Variants in SULF2 observed in about 807,000 individuals in gnomAD.
SULF2 encodes the protein sulfatase 2.
In SULF2, 52 loss-of-function variants were observed where a neutral mutation model predicts 107.7. The observed-to-expected ratio is 0.48, with a 90% CI of 0.39 to 0.61. SULF2 has a LOEUF of 0.61. Among genes scored for constraint, SULF2 ranks in the 20% least tolerant of loss-of-function variants. The pLI is 0.00. For synonymous variants in SULF2, 460 were observed against 464.3 expected (o/e 0.99, Z 0.12); for missense variants, 993 against 1,177.3 (o/e 0.84, Z 2.29).
chr20:47,757,514 G>A, intron 1 of SULF2, 51 bp from the exon 2 acceptor site: 1 of 857,362 alleles, frequency 1.2e-6, no homozygotes. Flanking sequence ...GCTGCCGGCT[G>A]CTCATTCTTG....
At chr20:47,747,661 G>A (rs532355164) in intron 2 of SULF2, among the ~76,000 whole-genome samples, 7 of 152,236 alleles carry the variant, frequency 4.6e-5, no homozygotes, top group African/African-American at 1.7e-4. Context: ...AAGGGGCTAC[G>A]CAGAGCTGCT....
intron 2 of SULF2, among the ~76,000 whole-genome samples, chr20:47,742,735 T>C (rs1278218771): frequency 6.6e-6 from 1 of 152,144 alleles, no homozygotes; most frequent in East Asian, 1.9e-4. Flanking sequence ...TATATATATA[T>C]ATTTTTGGAT....
chr20:47,756,960 C>G (rs1389304639), intron 2 of SULF2, among the ~76,000 whole-genome samples: 1 of 152,222 alleles, frequency 6.6e-6, no homozygotes, highest in African/African-American at 2.4e-5. Context: ...CTCTTTAACT[C>G]TTTGGAGAAA....
At chr20:47,669,078 C>T (rs1020356411) in intron 11 of SULF2, among the ~76,000 whole-genome samples, 8 of 152,222 alleles carry the variant, frequency 5.3e-5, no homozygotes, top group African/African-American at 7.2e-5. Flanking sequence ...TTTTCACCAG[C>T]GGAAGTGGCC....
chr20:47,670,881 AT>A (rs549300421), intron 11 of SULF2, among the ~76,000 whole-genome samples: 8 of 151,726 alleles, frequency 5.3e-5, no homozygotes, highest in Non-Finnish European at 4.4e-5. Flanking sequence ...TTTCACCATA[AT>A]TTTTTTTAAA....
intron 5 of SULF2, 133 bp from the exon 6 acceptor site, chr20:47,684,714 G>C: frequency 1.2e-6 from 1 of 814,536 alleles, no homozygotes; most frequent in Non-Finnish European, 1.9e-6. Context: ...TGATCTCCTG[G>C]TGGGAAAGGG....
chr20:47,720,339 CA>C (rs1220132428), intron 3 of SULF2, among the ~76,000 whole-genome samples: 1 of 152,102 alleles, frequency 6.6e-6, no homozygotes, highest in Non-Finnish European at 1.5e-5. Context: ...TCACTGCAAC[CA>C]CTGCCTCCTG....
intron 7 of SULF2, among the ~76,000 whole-genome samples, chr20:47,681,068 G>GCA (rs2087809062): frequency 6.6e-6 from 1 of 152,212 alleles, no homozygotes; most frequent in South Asian, 2.1e-4. Context: ...TTCCTAAACA[G>GCA]GATGGCTGAA....
At chr20:47,738,279 T>C (rs2089794542) in intron 2 of SULF2, among the ~76,000 whole-genome samples, 1 of 152,224 alleles carries the variant, frequency 6.6e-6, no homozygotes, top group Non-Finnish European at 1.5e-5. Context: ...CTCAATTGTA[T>C]GCTGTGGTTG....
chr20:47,663,391 G>A, intron 16 of SULF2, 62 bp downstream of exon 16: 1 of 1,597,776 alleles, frequency 6.3e-7, no homozygotes, highest in South Asian at 1.1e-5. Context: ...GGGTCACTAA[G>A]TGGAGAAGTT....
intron 2 of SULF2, among the ~76,000 whole-genome samples, chr20:47,755,010 T>C (rs886422157): frequency 1.0e-5 from 1 of 97,230 alleles, no homozygotes; most frequent in Non-Finnish European, 2.2e-5. Flanking sequence ...ATTTTTACAT[T>C]TTTTGTTAAG....
rs564852923 is a variant in SULF2 at position 47,705,509 on chromosome 20, T to TA, written c.416-2840_416-2839insT. Among the ~76,000 whole-genome samples the TA allele has an allele frequency of 2.7e-3, 404 of 152,322 alleles. 2 individuals are homozygous for TA. The highest frequency in any genetic ancestry group is 9.3e-3 in the African/African-American group (387 of 41,566). The stretch of plus-strand genomic sequence containing the variant: ...GAGATTCCCGGGCAAGCTAAAGGCC[T>TA]GCACTTCTCTTTCTCTGGGACCTGG... On this transcript the variant is annotated intron_variant, in intron 3 of 20. Transcript: ENST00000688720.
At chr20:47,759,027 A>T (rs1394927446) in intron 1 of SULF2, among the ~76,000 whole-genome samples, 1 of 152,126 alleles carries the variant, frequency 6.6e-6, no homozygotes, top group Non-Finnish European at 1.5e-5. Flanking sequence ...CCCTGCCCCC[A>T]TCCTCCATTT....
At chr20:47,745,347 G>A (rs1422673863) in intron 2 of SULF2, among the ~76,000 whole-genome samples, 5 of 130,302 alleles carry the variant, frequency 3.8e-5, no homozygotes, top group African/African-American at 1.4e-4. Context: ...GAGAATAACA[G>A]TGCCTCCTTC....
intron 2 of SULF2, among the ~76,000 whole-genome samples, chr20:47,754,153 C>T (rs751853132): frequency 1.3e-5 from 2 of 152,080 alleles, no homozygotes; most frequent in South Asian, 2.1e-4. Context: ...AATTAGGAAA[C>T]AGAACAAGCC....
In SULF2 at chr20:47,757,438, TC is replaced by T. The variant is rs899087980; in HGVS notation, c.-76del. On this transcript the variant is annotated 5_prime_UTR_variant, in exon 2 of 21. Transcript: ENST00000688720. ...GTTGCGTCTGTGGCTTTGTTTCTTTTCCCTCGTCCCTCTTCACTCGCAGATC... is the reference window on the plus strand; with the variant it reads ...GTTGCGTCTGTGGCTTTGTTTCTTTTCCTCGTCCCTCTTCACTCGCAGATC... The T allele has an allele frequency of 6.2e-6, 9 of 1,455,480 alleles. No individual in the cohort carries two copies. The highest frequency in any genetic ancestry group is 8.3e-6 in the Non-Finnish European group (9 of 1,086,014). 90.2% of individuals were successfully genotyped at this position (1,455,480 alleles called of 1,614,324 possible). A position where few individuals can be genotyped will look rare whatever the true frequency, so the allele number is the denominator to read the frequency against.
chr20:47,753,731 A>T (rs1385632480), intron 2 of SULF2, among the ~76,000 whole-genome samples: 1 of 152,240 alleles, frequency 6.6e-6, no homozygotes, highest in Non-Finnish European at 1.5e-5. Context: ...TCCAGGCCAG[A>T]ACCATGTCTT....
At chr20:47,755,692 C>T (rs565668280) in intron 2 of SULF2, among the ~76,000 whole-genome samples, 3 of 152,280 alleles carry the variant, frequency 2.0e-5, no homozygotes, top group South Asian at 2.1e-4. Context: ...CTTACCCCTG[C>T]GATTTAATTT....
At chr20:47,706,281 CG>C (rs894444655) in intron 3 of SULF2, among the ~76,000 whole-genome samples, 9 of 151,948 alleles carry the variant, frequency 5.9e-5, no homozygotes, top group African/African-American at 2.2e-4. Context: ...GCCCTCCATG[CG>C]GGGGGGCTCC....
Sources: allele counts gnomAD v4.1 joint callset (sites outside exome capture counted in the v4.1 genomes callset), GRCh38; gene constraint gnomAD v4.1.1; transcripts MANE v1.5; gene names NCBI Gene and HGNC (gene_info 2026-07-23, HGNC 2026-07-21).